UGGT1: variants seen among roughly 807,000 people sequenced by gnomAD.
UGGT1 encodes UDP-glucose glycoprotein glucosyltransferase 1.
In UGGT1, 107 loss-of-function variants were observed where a neutral mutation model predicts 203.9. The ratio of observed to expected loss-of-function variants is 0.52; its 90% CI spans 0.45 to 0.62. The LOEUF is 0.62. Among genes scored for constraint, UGGT1 ranks in the 20% least tolerant of loss-of-function variants. The probability of loss-of-function intolerance (pLI) is 0.00; values close to 1 mark genes in which losing one functional copy is unlikely to be tolerated. For synonymous variants in UGGT1, 628 were observed against 653.5 expected (o/e 0.96, Z 0.59); for missense variants, 1,673 against 1,867.2 (o/e 0.90, Z 1.92).
At chr2:128,110,338 G>T (rs1046969880) in intron 5 of UGGT1, among the ~76,000 whole-genome samples, 1 of 152,156 alleles carries the variant, frequency 6.6e-6, no homozygotes, top group Non-Finnish European at 1.5e-5. Context: ...TCTCCGTGGG[G>T]TTGGCCGGCC....
At chr2:128,101,469 A>C (rs529947519) in intron 2 of UGGT1, among the ~76,000 whole-genome samples, 85 of 152,320 alleles carry the variant, frequency 5.6e-4, no homozygotes, top group African/African-American at 2.0e-3. Flanking sequence ...TAAAACACTA[A>C]ATATGTTTTC....
chr2:128,111,180 C>G (rs996037448), intron 5 of UGGT1, among the ~76,000 whole-genome samples: 1 of 152,064 alleles, frequency 6.6e-6, no homozygotes, highest in Non-Finnish European at 1.5e-5. Flanking sequence ...AAGTGAGACC[C>G]AGTTTCTCCA....
At chr2:128,097,599 A>G in intron 2 of UGGT1, 35 bp downstream of exon 2, 1 of 1,611,218 alleles carries the variant, frequency 6.2e-7, no homozygotes. Flanking sequence ...CGTGTATTTG[A>G]GTATAAATAT....
chr2:128,096,697 CG>C (rs1188453912), intron 1 of UGGT1, among the ~76,000 whole-genome samples: 1 of 152,150 alleles, frequency 6.6e-6, no homozygotes, highest in Non-Finnish European at 1.5e-5. Context: ...TACGAGGTAC[CG>C]GGGGATAGGA....
At chr2:128,103,069 C>G (rs2105345763) in intron 2 of UGGT1, 1 of 470,834 alleles carries the variant, frequency 2.1e-6, no homozygotes, top group South Asian at 1.5e-5. Flanking sequence ...TCCCATATTT[C>G]TGTGTCTAGC....
At position 128,160,405 on chromosome 2, in the gene UGGT1, T is replaced by C. The variant is rs990176744; in HGVS notation, c.2563-55T>C. The C allele has an allele frequency of 4.6e-6, 7 of 1,523,134 alleles. No homozygotes were observed. The Admixed American group carries it at 1.1e-4, about 25-fold the overall frequency. The allele number at this position is 1,523,134 out of a possible 1,614,324, so 94.4% of individuals were successfully genotyped here. ...TGGTTTATTCACTGTGTTTATTTGT[T>C]TATATGGTTTGCTTAGTAACGACTA... On this transcript the variant is annotated intron_variant, in intron 23 of 40. Coordinates refer to ENST00000259253, the MANE Select transcript of UGGT1 (RefSeq NM_020120.4).
intron 18 of UGGT1, among the ~76,000 whole-genome samples, chr2:128,151,585 T>G (rs1689975635): frequency 6.6e-6 from 1 of 152,220 alleles, no homozygotes; most frequent in South Asian, 2.1e-4. Flanking sequence ...TAGACTTGAA[T>G]GTGTATATTT....
At chr2:128,130,906 A>G (rs1353303932) in intron 13 of UGGT1, among the ~76,000 whole-genome samples, 1 of 152,128 alleles carries the variant, frequency 6.6e-6, no homozygotes. Flanking sequence ...AACCATAGGC[A>G]TGCACCACCT....
intron 3 of UGGT1, among the ~76,000 whole-genome samples, chr2:128,104,391 C>T (rs1687511737): frequency 6.6e-6 from 1 of 152,140 alleles, no homozygotes; most frequent in Non-Finnish European, 1.5e-5. Flanking sequence ...CTGTTAAGTT[C>T]ATTATCATTA....
In UGGT1 at chr2:128,159,525, C is replaced by T. The variant is rs1690419331; in HGVS notation, c.2367C>T (p.Asn789=). 6 of 1,613,958 alleles carry T rather than the reference C, an allele frequency of 3.7e-6. 1 individual carries two copies. Among genetic ancestry groups the T allele is most frequent in the Non-Finnish European group, 5.1e-6 (6 of 1,179,920 alleles). Reference sequence around the variant, plus strand: ...CATTTTGTGAACAGAAATCCAGTAACAATGTTAGAATAAGCATGATCAATA... The same window carrying T: ...CATTTTGTGAACAGAAATCCAGTAATAATGTTAGAATAAGCATGATCAATA... The part of the protein sequence containing the change: ...YDAIKHQKSS[N]NVRISMINNP... The change falls in exon 23 of 41, where the codon AAC becomes AAT. Residue 789 remains asparagine (N), a synonymous_variant. Coordinates refer to ENST00000259253, the MANE Select transcript of UGGT1 (RefSeq NM_020120.4).
chr2:128,145,399 G>C (rs991874776), intron 17 of UGGT1, among the ~76,000 whole-genome samples: 1 of 152,134 alleles, frequency 6.6e-6, no homozygotes. Flanking sequence ...GCACAGACAA[G>C]CACAGATAGA....
chr2:128,099,343 C>T (rs912563002), intron 2 of UGGT1, among the ~76,000 whole-genome samples: 3 of 152,028 alleles, frequency 2.0e-5, no homozygotes, highest in African/African-American at 7.3e-5. Flanking sequence ...GGGCTTTCAC[C>T]ATCTTGGCCA....
intron 26 of UGGT1, among the ~76,000 whole-genome samples, chr2:128,169,218 T>C (rs1156273596): frequency 6.7e-6 from 1 of 148,684 alleles, no homozygotes; most frequent in Admixed American, 6.7e-5. Context: ...CAAAAAAATA[T>C]AAATTAGCCC....
chr2:128,131,141 G>A (rs1688856544), intron 13 of UGGT1, among the ~76,000 whole-genome samples: 1 of 149,646 alleles, frequency 6.7e-6, no homozygotes, highest in African/African-American at 2.5e-5. Flanking sequence ...GCTGAGGCAG[G>A]AGAATTGCTT....
Position 128,194,886 on chromosome 2 carries a change from AGAAAT to A in UGGT1, c.*5152_*5156del, listed in dbSNP as rs543522591. On this transcript the variant is annotated 3_prime_UTR_variant, in exon 41 of 41. Coordinates refer to ENST00000259253, the MANE Select transcript of UGGT1 (RefSeq NM_020120.4). ...TTTGGTCTTTCATTTCTCTATATAC[AGAAAT>A]GAAATGACACTTCTGGGAGGCAGTA... 8.5e-5 allele frequency: 13 copies of A among 152,338 alleles called. No homozygotes were observed. In the East Asian group the frequency reaches 2.5e-3, roughly 29 times the overall value. The allele number at this position is 152,338 out of a possible 1,614,324, so 9.4% of individuals were successfully genotyped here.
At chr2:128,189,623 A>G in intron 40 of UGGT1, 94 bp from the exon 41 acceptor site, 1 of 1,300,156 alleles carries the variant, frequency 7.7e-7, no homozygotes, top group African/African-American at 1.5e-5. Context: ...TGGAGGTACA[A>G]AGAATAGGTT....
intron 1 of UGGT1, among the ~76,000 whole-genome samples, chr2:128,093,118 G>T (rs1686947471): frequency 6.6e-6 from 1 of 152,138 alleles, no homozygotes; most frequent in South Asian, 2.1e-4. Context: ...GGTCAGAGTG[G>T]CAAAGCTCTT....
At chr2:128,138,067 T>C (rs1428377245) in intron 15 of UGGT1, among the ~76,000 whole-genome samples, 2 of 152,184 alleles carry the variant, frequency 1.3e-5, no homozygotes, top group Non-Finnish European at 2.9e-5. Flanking sequence ...AGTGTGAAAA[T>C]TTTTATTCTA....
chr2:128,097,413 CT>C lies in UGGT1; in HGVS notation c.59-9del. ...ATTTCCTTGTAGCAAAACTTCTTTT[CT>C]TTTTTTCCTTTTAGGAGTTTGCTAT... On this transcript the variant is annotated splice_polypyrimidine_tract_variant and intron_variant, in intron 1 of 40. Transcript: ENST00000259253. 24 of 1,579,092 alleles carry C rather than the reference CT, an allele frequency of 1.5e-5. No individual in the cohort carries two copies. The highest frequency in any genetic ancestry group is 4.5e-5 in the East Asian group (2 of 44,682).
Sources: allele counts gnomAD v4.1 joint callset (sites outside exome capture counted in the v4.1 genomes callset), GRCh38; gene constraint gnomAD v4.1.1; transcripts MANE v1.5; gene names NCBI Gene and HGNC (gene_info 2026-07-23, HGNC 2026-07-21).